The following CEP135 variants were observed in gnomAD, a reference collection of about 807,000 sequenced individuals.
The protein encoded by CEP135 is centrosomal protein 135.
Under a neutral mutation model 157.3 loss-of-function variants are expected in CEP135, and 142 were observed. The observed-to-expected ratio is 0.90, with a 90% confidence interval of 0.79 to 1.04. The LOEUF (loss-of-function observed/expected upper bound fraction) is 1.04, where lower values mean the gene tolerates loss of function less well. Among genes scored for constraint, CEP135 ranks in the 50% least tolerant of loss-of-function variants. The probability of loss-of-function intolerance (pLI) is 0.00; values close to 1 mark genes in which losing one functional copy is unlikely to be tolerated. For missense variants in CEP135, 1,317 were observed against 1,309.2 expected (o/e 1.01, Z -0.09); for synonymous variants, 396 against 439.8 (o/e 0.90, Z 1.25).
At chr4:55,958,574 T>G (rs1728576002) in intron 5 of CEP135, among the ~76,000 whole-genome samples, 1 of 152,244 alleles carries the variant, frequency 6.6e-6, no homozygotes, top group Non-Finnish European at 1.5e-5. Context: ...TTATTTGGGC[T>G]GCATAAGTGA....
At chr4:56,003,251 G>A (rs202011444) in intron 17 of CEP135, among the ~76,000 whole-genome samples, 4 of 151,940 alleles carry the variant, frequency 2.6e-5, no homozygotes, top group African/African-American at 7.3e-5. Flanking sequence ...GCAGTGGCAC[G>A]ATCTTGGCTC....
intron 17 of CEP135, 132 bp from the exon 18 acceptor site, chr4:56,008,195 C>G (rs1227552138): frequency 1.6e-6 from 1 of 625,582 alleles, no homozygotes; most frequent in Non-Finnish European, 2.8e-6. Flanking sequence ...GATATGTTTA[C>G]TTGGAGCTTT....
intron 25 of CEP135, among the ~76,000 whole-genome samples, 178 bp downstream of exon 25, chr4:56,024,792 A>G (rs1387144119): frequency 6.6e-6 from 1 of 152,090 alleles, no homozygotes; most frequent in Non-Finnish European, 1.5e-5. Context: ...TACAATTGTA[A>G]AAATTCATAA....
At chr4:55,995,781 A>G (rs954625139) in intron 15 of CEP135, among the ~76,000 whole-genome samples, 4 of 152,322 alleles carry the variant, frequency 2.6e-5, no homozygotes, top group African/African-American at 9.6e-5. Flanking sequence ...TTTCCAGCCC[A>G]GTTAGACAAC....
chr4:55,986,451 AG>A (rs1729586542), intron 14 of CEP135, among the ~76,000 whole-genome samples: 1 of 152,156 alleles, frequency 6.6e-6, no homozygotes, highest in Admixed American at 6.5e-5. Flanking sequence ...CTGAAGTAAG[AG>A]GATCACTGGA....
intron 15 of CEP135, among the ~76,000 whole-genome samples, chr4:55,994,712 G>C (rs1729910942): frequency 6.8e-6 from 1 of 146,094 alleles, no homozygotes; most frequent in Admixed American, 6.9e-5. Flanking sequence ...TTGAGACGGA[G>C]TCTTGCTCTG....
intron 15 of CEP135, among the ~76,000 whole-genome samples, chr4:55,998,927 ATGCCAGG>A (rs1472380781): frequency 6.6e-6 from 1 of 152,210 alleles, no homozygotes; most frequent in Non-Finnish European, 1.5e-5. Flanking sequence ...GTGCTTTGAA[ATGCCAGG>A]TCATACTGTA....
chr4:55,967,108 T>C (rs900386360), intron 8 of CEP135, among the ~76,000 whole-genome samples: 1 of 151,952 alleles, frequency 6.6e-6, no homozygotes, highest in Non-Finnish European at 1.5e-5. Context: ...TGAATTTTTT[T>C]TTATTTAAAA....
chr4:56,024,037 T>A (rs1217951270), intron 24 of CEP135, among the ~76,000 whole-genome samples: 1 of 143,030 alleles, frequency 7.0e-6, no homozygotes, highest in African/African-American at 2.5e-5. Context: ...TGTTATATAT[T>A]GTATATTTTA....
rs1730432399 is a variant in CEP135 at position 56,008,380 on chromosome 4, G to A, written c.2334G>A (p.Val778=). 1 of 1,606,888 alleles carries A rather than the reference G, an allele frequency of 6.2e-7. No individual in the cohort carries two copies. The highest frequency in any genetic ancestry group is 1.1e-5 in the South Asian group (1 of 89,872). ...TGATCTCAGAGTGTGAATCATCTGT[G>A]AAGTAAGTCATTAATGAAATTACAT... is the stretch of plus-strand genomic sequence containing the variant. ...KIMISECESS[V]NQLKETLVNR... is the part of the protein sequence containing the mutation. The change falls in exon 18 of 26, where the codon GTG becomes GTA. Residue 778 remains valine (V), a splice_region_variant and synonymous_variant. Coordinates refer to ENST00000257287, the MANE Select transcript of CEP135 (RefSeq NM_025009.5).
chr4:56,030,850 A>G (rs1042656411), intron 25 of CEP135, among the ~76,000 whole-genome samples: 23 of 152,210 alleles, frequency 1.5e-4, no homozygotes, highest in African/African-American at 4.6e-4. Flanking sequence ...ACTTTTTTAA[A>G]CAAAAGTATA....
intron 14 of CEP135, among the ~76,000 whole-genome samples, chr4:55,991,571 A>G (rs1729798548): frequency 6.6e-6 from 1 of 152,076 alleles, no homozygotes. Flanking sequence ...TGTTTGGGTT[A>G]CAGTGTTTTG....
intron 25 of CEP135, 87 bp downstream of exon 25, chr4:56,024,701 T>C (rs1400122664): frequency 1.1e-6 from 1 of 916,072 alleles, no homozygotes; most frequent in Non-Finnish European, 1.8e-6. Flanking sequence ...AAAGGGGAGA[T>C]TGCCTGGTAA....
At chr4:56,009,643 A>T (rs551007378) in intron 18 of CEP135, 92 bp from the exon 19 acceptor site, 1 of 1,106,472 alleles carries the variant, frequency 9.0e-7, no homozygotes, top group South Asian at 1.6e-5. Context: ...GTATATTTGT[A>T]TTCTAAGTAT....
intron 6 of CEP135, among the ~76,000 whole-genome samples, chr4:55,963,007 C>G (rs981904076): frequency 6.6e-6 from 1 of 152,058 alleles, no homozygotes; most frequent in Non-Finnish European, 1.5e-5. Flanking sequence ...TGAACTTTTT[C>G]TCTTCTGGTT....
At chr4:56,024,736 T>G in intron 25 of CEP135, 122 bp downstream of exon 25, 1 of 668,594 alleles carries the variant, frequency 1.5e-6, no homozygotes, top group Non-Finnish European at 2.7e-6. Context: ...CTTCCTGGAG[T>G]AATGGAAAAG....
chr4:56,005,834 A>T (rs983584353), intron 17 of CEP135, among the ~76,000 whole-genome samples: 6 of 152,136 alleles, frequency 3.9e-5, no homozygotes, highest in African/African-American at 1.4e-4. Flanking sequence ...TTATATCTTC[A>T]TATTTGAAGG....
intron 21 of CEP135, 59 bp downstream of exon 21, chr4:56,012,044 A>G (rs1730605098): frequency 2.0e-6 from 2 of 1,014,694 alleles, no homozygotes; most frequent in East Asian, 6.3e-5. Flanking sequence ...ACATTCAAAG[A>G]TACTTTATTT....
At chr4:55,980,740 C>T (rs774952159) in intron 12 of CEP135, among the ~76,000 whole-genome samples, 2 of 152,148 alleles carry the variant, frequency 1.3e-5, no homozygotes, top group Admixed American at 6.6e-5. Context: ...AACAAATCCT[C>T]AGTTGTTAGA....
Sources: allele counts gnomAD v4.1 joint callset (sites outside exome capture counted in the v4.1 genomes callset), GRCh38; gene constraint gnomAD v4.1.1; transcripts MANE v1.5; gene names NCBI Gene and HGNC (gene_info 2026-07-23, HGNC 2026-07-21).